Variants in PDILT observed in about 807,000 individuals in gnomAD.
PDILT encodes the protein protein disulfide isomerase like, testis expressed, also known as protein disulfide-isomerase-like protein of the testis.
PDILT carries 43 observed loss-of-function variants against 53.7 expected under a neutral mutation model. The ratio of observed to expected loss-of-function variants is 0.80; its 90% CI spans 0.63 to 1.03. The LOEUF (loss-of-function observed/expected upper bound fraction) is 1.03, where lower values mean the gene tolerates loss of function less well. PDILT is among the 50% of genes least tolerant of loss of function. The pLI is 0.00. For missense variants in PDILT, 727 were observed against 712.3 expected (o/e 1.02, Z -0.24); for synonymous variants, 282 against 274.2 (o/e 1.03, Z -0.28).
chr16:20,371,790 G>A (rs1966309784), intron 7 of PDILT, among the ~76,000 whole-genome samples: 1 of 151,894 alleles, frequency 6.6e-6, no homozygotes, highest in African/African-American at 2.4e-5. Flanking sequence ...CAATCAGGTT[G>A]CAATCAATTT....
At chr16:20,386,470 G>A (rs1215854438) in intron 2 of PDILT, among the ~76,000 whole-genome samples, 1 of 152,164 alleles carries the variant, frequency 6.6e-6, no homozygotes, top group South Asian at 2.1e-4. Flanking sequence ...GCTGCAGAGG[G>A]CAAGTTCCAA....
chr16:20,368,088 A>C (rs972274801), intron 8 of PDILT, among the ~76,000 whole-genome samples: 1 of 152,202 alleles, frequency 6.6e-6, no homozygotes, highest in Admixed American at 6.5e-5. Flanking sequence ...AATCGTAGCC[A>C]TGTGTGTCCT....
intron 8 of PDILT, 98 bp from the exon 9 acceptor site, chr16:20,365,638 G>GT (rs1293085357): frequency 3.5e-6 from 5 of 1,434,660 alleles, no homozygotes; most frequent in Admixed American, 2.1e-5. Context: ...GTTTTCTCGT[G>GT]TTTTTTTCAC....
Position 20,376,071 on chromosome 16 carries a change from G to A in PDILT, c.540C>T (p.Phe180=), listed in dbSNP as rs757980490. The change falls in exon 4 of 12, where the codon TTC becomes TTT. Residue 180 remains phenylalanine (F), a synonymous_variant. Coordinates refer to ENST00000302451, the MANE Select transcript of PDILT (RefSeq NM_174924.2). ...TCCCACCTCTTGGTCCCAGTACCTG[G>A]AAGAAGCCAACGATGACCAAGGGCC... is the stretch of plus-strand genomic sequence containing the variant. ...ISRPLVIVGF[F]QDLEEEVAEL... 1.9e-6 allele frequency: 3 copies of A among 1,613,902 alleles called. No homozygotes were observed. Among genetic ancestry groups the A allele is most frequent in the Non-Finnish European group, 2.5e-6 (3 of 1,179,982 alleles).
At chr16:20,360,757 C>G (rs1966088770) in intron 10 of PDILT, 100 bp from the exon 11 acceptor site, 2 of 832,814 alleles carry the variant, frequency 2.4e-6, no homozygotes, top group Non-Finnish European at 4.1e-6. Context: ...TCCTAACAAC[C>G]CCGGGTATGT....
intron 2 of PDILT, 52 bp from the exon 3 acceptor site, chr16:20,384,903 C>T: frequency 6.4e-7 from 1 of 1,550,604 alleles, no homozygotes; most frequent in Non-Finnish European, 8.9e-7. Context: ...CTCCCCATCT[C>T]CAACAGTAGA....
At chr16:20,381,235 A>C (rs1206608907) in intron 3 of PDILT, among the ~76,000 whole-genome samples, 1 of 152,198 alleles carries the variant, frequency 6.6e-6, no homozygotes, top group Non-Finnish European at 1.5e-5. Context: ...TCCTAAGAGG[A>C]GTTTTCATCA....
chr16:20,398,993 T>C, intron 2 of PDILT, 106 bp downstream of exon 2: 1 of 1,114,912 alleles, frequency 9.0e-7, no homozygotes, highest in Non-Finnish European at 1.3e-6. Flanking sequence ...TTAAATAATA[T>C]GTGTTCTTAT....
rs756268093 is a variant in PDILT at position 20,384,847 on chromosome 16, G to C, written c.207C>G (p.Asn69Lys). The change falls in exon 3 of 12, where the codon AAC becomes AAG. Residue 69 changes from asparagine (N) to lysine (K), a missense_variant. Transcript: ENST00000302451. ...AGTTCCTGGATTGCTTTGAGGATGG[G>C]TTGTCTGAAAGAGTATGAAGACAAA... ...QTRFLMVLFH[N>K]PSSKQSRNLA... The C allele has an allele frequency of 6.2e-7, 1 of 1,614,174 alleles. No individual in the cohort carries two copies. Among genetic ancestry groups the C allele is most frequent in the East Asian group, 2.2e-5 (1 of 44,892 alleles).
At chr16:20,377,114 C>G (rs1170601112) in intron 3 of PDILT, among the ~76,000 whole-genome samples, 1 of 152,002 alleles carries the variant, frequency 6.6e-6, no homozygotes, top group Admixed American at 6.6e-5. Flanking sequence ...GCGAGACACT[C>G]AGCTCTACAA....
intron 2 of PDILT, among the ~76,000 whole-genome samples, chr16:20,386,501 G>T (rs1369680590): frequency 2.0e-5 from 3 of 152,342 alleles, no homozygotes; most frequent in South Asian, 2.1e-4. Flanking sequence ...GAGGTCTTTT[G>T]TAAAGTGCCG....
At chr16:20,389,815 T>A (rs1165153053) in intron 2 of PDILT, among the ~76,000 whole-genome samples, 1 of 152,170 alleles carries the variant, frequency 6.6e-6, no homozygotes, top group Non-Finnish European at 1.5e-5. Flanking sequence ...GTATAGGGAC[T>A]GGAGTTTGAT....
chr16:20,365,643 T>A (rs903045299), intron 8 of PDILT, 103 bp from the exon 9 acceptor site: 4 of 1,396,912 alleles, frequency 2.9e-6, no homozygotes, highest in Non-Finnish European at 3.9e-6. Context: ...CTCGTGTTTT[T>A]TTCACAAGAG....
In PDILT at chr16:20,359,239, G is replaced by T; in HGVS notation, c.*80C>A. ...CACCTACCCTACCACAATGATATATGCTTTTATTGGAATCAATCCATTCAG... is the reference window on the plus strand; with the variant it reads ...CACCTACCCTACCACAATGATATATTCTTTTATTGGAATCAATCCATTCAG... On this transcript the variant is annotated 3_prime_UTR_variant, in exon 12 of 12. Transcript: ENST00000302451. The T allele has an allele frequency of 1.9e-5, 29 of 1,503,712 alleles. No individual in the cohort carries two copies. Among genetic ancestry groups the T allele is most frequent in the Non-Finnish European group, 1.9e-5 (21 of 1,108,022 alleles). 93.1% of individuals were successfully genotyped at this position (1,503,712 alleles called of 1,614,324 possible).
At chr16:20,369,837 G>C (rs984822216) in intron 7 of PDILT, 148 bp from the exon 8 acceptor site, 26 of 756,472 alleles carry the variant, frequency 3.4e-5, no homozygotes, top group Non-Finnish European at 5.5e-5. Flanking sequence ...GCTCTGCACC[G>C]AAATGCATGG....
chr16:20,382,542 C>T (rs997252892), intron 3 of PDILT, among the ~76,000 whole-genome samples: 2 of 152,186 alleles, frequency 1.3e-5, no homozygotes, highest in African/African-American at 4.8e-5. Context: ...CACCACTACT[C>T]ACTGGGCAGC....
In PDILT at chr16:20,360,554, C is replaced by G. The variant is rs370063827; in HGVS notation, c.1506+14G>C. 6.2e-7 allele frequency: 1 copy of G among 1,600,648 alleles called. No individual in the cohort carries two copies. The highest frequency in any genetic ancestry group is 8.6e-7 in the Non-Finnish European group (1 of 1,167,848). On this transcript the variant is annotated intron_variant, in intron 11 of 11. Coordinates refer to ENST00000302451, the MANE Select transcript of PDILT (RefSeq NM_174924.2). ...TGGGACAGAATAATTCAGAGTATTT[C>G]TGTTGCCCCTTACCTCATCCTCATC...
chr16:20,372,843 T>C lies in PDILT; in HGVS notation c.877A>G (p.Ile293Val). The change falls in exon 7 of 12, where the codon ATT (isoleucine) becomes GTT (valine). Residue 293 changes from isoleucine (I) to valine (V), a missense_variant. Transcript: ENST00000302451. ...TTTGATGCCAGCTTATAATGCTGAA[T>C]TATGATACCATATGACTCGGAGCTT... ...SKSSESYGII[I>V]QHYKLASKEF... 1.2e-6 allele frequency: 2 copies of C among 1,614,088 alleles called. No individual in the cohort carries two copies. The highest frequency in any genetic ancestry group is 2.2e-5 in the South Asian group (2 of 91,074).
chr16:20,380,198 T>C (rs1966443667), intron 3 of PDILT, among the ~76,000 whole-genome samples: 1 of 152,238 alleles, frequency 6.6e-6, no homozygotes, highest in South Asian at 2.1e-4. Flanking sequence ...TTGTCCCTCC[T>C]GATGGGCTGC....
Sources: gnomAD v4.1 joint callset for allele counts (sites outside exome capture counted in the v4.1 genomes callset) on GRCh38, gnomAD v4.1.1 for gene constraint, MANE v1.5 for transcripts, NCBI Gene and HGNC (gene_info 2026-07-23, HGNC 2026-07-21) for gene names.